Variants in RSF1 observed in about 807,000 individuals in gnomAD.
RSF1 encodes remodeling and spacing factor 1, also known as HBV pX-associated protein 8.
RSF1 carries 13 observed loss-of-function variants against 145.2 expected under a neutral mutation model. The ratio of observed to expected loss-of-function variants is 0.09; its 90% CI spans 0.06 to 0.14. The LOEUF is 0.14. Ranked by LOEUF, RSF1 falls within the 10% of genes least tolerant of loss-of-function variation. The pLI is 1.00. For synonymous variants in RSF1, 577 were observed against 592.6 expected, an observed-to-expected ratio of 0.97 and a Z score of 0.38; for missense variants, 1,517 against 1,718.2, an observed-to-expected ratio of 0.88 and a Z score of 2.07.
chr11:77,869,148 A>G, the RSF1 span: 3 of 251,172 alleles, frequency 1.2e-5, no homozygotes, highest in Admixed American at 1.2e-4. Context: ...TAAAAGGCCT[A>G]GAGGACATAT....
At chr11:77,736,966 A>C (rs1316899456) in intron 4 of RSF1, among the ~76,000 whole-genome samples, 1 of 152,212 alleles carries the variant, frequency 6.6e-6, no homozygotes, top group Non-Finnish European at 1.5e-5. Context: ...TTAAAAATTG[A>C]ATTTCATTAC....
At chr11:77,686,407 T>TGAAAAAAA (rs1565148154) in intron 9 of RSF1, among the ~76,000 whole-genome samples, 1 of 9,598 alleles carries the variant, frequency 1.0e-4, no homozygotes, top group Non-Finnish European at 1.7e-4. Context: ...AGACCCTGTC[T>TGAAAAAAA]CAAAAAAAAA....
At chr11:77,675,771 A>G (rs1959685194) in intron 13 of RSF1, among the ~76,000 whole-genome samples, 3 of 152,206 alleles carry the variant, frequency 2.0e-5, no homozygotes, top group Admixed American at 2.0e-4. Flanking sequence ...GCAACTCCAC[A>G]AATAGTTTCT....
chr11:77,755,850 T>C lies in RSF1; in HGVS notation c.280-8722A>G, dbSNP rs564153197. Among the ~76,000 whole-genome samples, 3 of 152,222 alleles carry C rather than the reference T, an allele frequency of 2.0e-5. No individual in the cohort carries two copies. The East Asian group carries it at 5.8e-4, about 29-fold the overall frequency. On this transcript the variant is annotated intron_variant, in intron 2 of 15. Transcript: ENST00000308488. ...GCCCTGGCCTCTGAAAGTGCTGGGA[T>C]TACCGGTGTGAAGAAGAACTTAATA... is the stretch of plus-strand genomic sequence containing the variant.
the RSF1 span, among the ~76,000 whole-genome samples, chr11:77,836,204 A>G: frequency 1.3e-5 from 2 of 152,116 alleles, no homozygotes; most frequent in Non-Finnish European, 2.9e-5. Flanking sequence ...TTAATTTCTT[A>G]CTTAGAAATT....
intron 5 of RSF1, among the ~76,000 whole-genome samples, chr11:77,709,477 T>A: frequency 6.6e-6 from 1 of 152,120 alleles, no homozygotes; most frequent in East Asian, 1.9e-4. Flanking sequence ...AGGTGAAATA[T>A]CACCTGTGTC....
chr11:77,703,634 A>G (rs1177280172), intron 5 of RSF1: 1 of 152,214 alleles, frequency 6.6e-6, no homozygotes, highest in Admixed American at 6.5e-5. Context: ...TCTTTTATGT[A>G]CAATGATGTT....
At chr11:77,788,847 G>A (rs1475863808) in intron 1 of RSF1, among the ~76,000 whole-genome samples, 1 of 152,130 alleles carries the variant, frequency 6.6e-6, no homozygotes, top group Non-Finnish European at 1.5e-5. Flanking sequence ...CCAAAATAGT[G>A]AGTAGATAAT....
intron 11 of RSF1, 98 bp from the exon 12 acceptor site, chr11:77,678,251 T>C (rs1386151134): frequency 7.6e-6 from 5 of 657,260 alleles, no homozygotes; most frequent in Non-Finnish European, 1.1e-5. Context: ...GGAGTCTCTC[T>C]TTGTTGCCAG....
chr11:77,698,702 A>G lies in RSF1; in HGVS notation c.2509-9T>C. The G allele has an allele frequency of 6.2e-7, 1 of 1,608,026 alleles. No individual in the cohort carries two copies. The highest frequency in any genetic ancestry group is 8.5e-7 in the Non-Finnish European group (1 of 1,175,520). ...TTGCCTTTGGGTTTTACCTTGTATA[A>G]AATAAAAAAAATTGGGATAATTTGA... On this transcript the variant is annotated splice_polypyrimidine_tract_variant and intron_variant, in intron 6 of 15. Transcript: ENST00000308488.
At chr11:77,856,244 C>G in the RSF1 span, among the ~76,000 whole-genome samples, 1 of 152,216 alleles carries the variant, frequency 6.6e-6, no homozygotes, top group African/African-American at 2.4e-5. Context: ...CACAAGTAAC[C>G]TTTACACTAG....
At chr11:77,794,995 T>C (rs973213547) in intron 1 of RSF1, among the ~76,000 whole-genome samples, 3 of 152,152 alleles carry the variant, frequency 2.0e-5, no homozygotes, top group Non-Finnish European at 4.4e-5. Flanking sequence ...CATTCAGTAA[T>C]GCCGCAAGAG....
At chr11:77,813,851 A>ACC (rs1172097032) in intron 1 of RSF1, 1 of 200,480 alleles carries the variant, frequency 5.0e-6, no homozygotes, top group Non-Finnish European at 1.0e-5. Context: ...ACACACACAC[A>ACC]CACACAGAGA....
intron 11 of RSF1, among the ~76,000 whole-genome samples, chr11:77,681,943 T>C (rs1959872916): frequency 6.6e-6 from 1 of 152,236 alleles, no homozygotes; most frequent in Non-Finnish European, 1.5e-5. Flanking sequence ...CCTATCTTTT[T>C]TAATGCATCG....
chr11:77,830,265 A>G, the RSF1 span: 1 of 152,248 alleles, frequency 6.6e-6, no homozygotes, highest in Non-Finnish European at 1.5e-5. Context: ...CCAACTAAGC[A>G]TTCCGCTGGA....
intron 4 of RSF1, chr11:77,734,979 G>C: frequency 6.3e-7 from 1 of 1,596,726 alleles, no homozygotes; most frequent in Non-Finnish European, 8.5e-7. Context: ...CGGCCTCTGA[G>C]TCCTGGTGGT....
intron 3 of RSF1, among the ~76,000 whole-genome samples, chr11:77,745,123 T>C (rs1374381207): frequency 6.6e-6 from 1 of 152,190 alleles, no homozygotes; most frequent in East Asian, 1.9e-4. Flanking sequence ...TTCTGTGGTA[T>C]TGGTTATAAT....
chr11:77,819,713 C>T (rs973182017), intron 1 of RSF1, among the ~76,000 whole-genome samples: 1 of 152,084 alleles, frequency 6.6e-6, no homozygotes, highest in Non-Finnish European at 1.5e-5. Context: ...GCCCGGCTGC[C>T]AAGATGAAGG....
intron 3 of RSF1, among the ~76,000 whole-genome samples, chr11:77,744,000 T>C (rs1466412203): frequency 2.0e-5 from 3 of 152,182 alleles, no homozygotes; most frequent in Non-Finnish European, 4.4e-5. Flanking sequence ...ATTCTCTTAA[T>C]GTGGAGCATC....
Sources: gnomAD v4.1 joint callset for allele counts (sites outside exome capture counted in the v4.1 genomes callset) on GRCh38, gnomAD v4.1.1 for gene constraint, MANE v1.5 for transcripts, NCBI Gene and HGNC (gene_info 2026-07-23, HGNC 2026-07-21) for gene names.